The following PRDM5 variants were observed in gnomAD, a reference collection of about 807,000 sequenced individuals.
PRDM5 encodes PR/SET domain 5.
Under a neutral mutation model 81.2 loss-of-function variants are expected in PRDM5, and 56 were observed. That is an observed-to-expected ratio of 0.69 (90% CI 0.56 to 0.86). The LOEUF (loss-of-function observed/expected upper bound fraction) is 0.86, where lower values mean the gene tolerates loss of function less well. PRDM5 is among the 40% of genes least tolerant of loss of function. PRDM5 has a pLI of 0.00. For missense variants in PRDM5, 697 were observed against 770.1 expected (o/e 0.91, Z 1.12); for synonymous variants, 267 against 256.4 (o/e 1.04, Z -0.39).
At chr4:120,793,646 TTG>T (rs1750906803) in intron 10 of PRDM5, among the ~76,000 whole-genome samples, 1 of 152,232 alleles carries the variant, frequency 6.6e-6, no homozygotes, top group East Asian at 1.9e-4. Context: ...ATTATTTTAA[TTG>T]ACAAATAAAA....
At chr4:120,908,429 A>C (rs1561691847) in intron 1 of PRDM5, among the ~76,000 whole-genome samples, 1 of 152,260 alleles carries the variant, frequency 6.6e-6, no homozygotes, top group Non-Finnish European at 1.5e-5. Context: ...GATGCAAGAA[A>C]AAAACCAACA....
Position 120,765,322 on chromosome 4 carries a change from G to A in PRDM5, c.1538-10684C>T, listed in dbSNP as rs530715143. Among the ~76,000 whole-genome samples, 12 of 152,338 alleles carry A rather than the reference G, an allele frequency of 7.9e-5. No homozygotes were observed. In the South Asian group the frequency reaches 2.3e-3, roughly 29 times the overall value. ...CAGTCGGTATCTATTAACACAGAAAGCTGGTTGGAACTGTAGGCAAGTAAT... is the reference window on the plus strand; with the variant it reads ...CAGTCGGTATCTATTAACACAGAAAACTGGTTGGAACTGTAGGCAAGTAAT... On this transcript the variant is annotated intron_variant, in intron 13 of 15. Coordinates refer to ENST00000264808, the MANE Select transcript of PRDM5 (RefSeq NM_018699.4).
At chr4:120,897,907 C>T (rs1764825501) in intron 2 of PRDM5, among the ~76,000 whole-genome samples, 1 of 152,198 alleles carries the variant, frequency 6.6e-6, no homozygotes, top group African/African-American at 2.4e-5. Context: ...CATCTGCCAA[C>T]TCCAATCAAC....
intron 3 of PRDM5, among the ~76,000 whole-genome samples, chr4:120,824,396 A>G (rs2667173): frequency 0.25 from 38,362 of 152,058 alleles, 5,621 homozygotes; most frequent in East Asian, 0.36. Context: ...GATGAGCCAC[A>G]TTCCTGTGAC....
intron 2 of PRDM5, among the ~76,000 whole-genome samples, chr4:120,901,126 T>C (rs1765178909): frequency 6.6e-6 from 1 of 152,308 alleles, no homozygotes; most frequent in African/African-American, 2.4e-5. Flanking sequence ...CAAGTGGTTT[T>C]TGGTTACATG....
At chr4:120,720,405 C>A (rs892586776) in intron 14 of PRDM5, among the ~76,000 whole-genome samples, 1 of 152,100 alleles carries the variant, frequency 6.6e-6, no homozygotes, top group Non-Finnish European at 1.5e-5. Flanking sequence ...GCTTTGAGAC[C>A]AAAAGATGAC....
At chr4:120,812,718 G>A (rs1353560288) in intron 7 of PRDM5, 2 of 363,096 alleles carry the variant, frequency 5.5e-6, no homozygotes, top group Non-Finnish European at 1.0e-5. Context: ...CCCATTCTGT[G>A]TAAATGCTTT....
intron 14 of PRDM5, among the ~76,000 whole-genome samples, chr4:120,726,347 T>A (rs1036981090): frequency 1.3e-5 from 2 of 152,338 alleles, no homozygotes; most frequent in Admixed American, 6.5e-5. Flanking sequence ...GAGAGCCTCA[T>A]GGACTCACGG....
At chr4:120,770,006 C>CTATT (rs573883065) in intron 13 of PRDM5, among the ~76,000 whole-genome samples, 8 of 137,768 alleles carry the variant, frequency 5.8e-5, no homozygotes, top group Non-Finnish European at 9.4e-5. Context: ...TAAAATATCC[C>CTATT]TATTTATTTA....
chr4:120,839,299 A>G (rs976916114), intron 3 of PRDM5: 4 of 702,960 alleles, frequency 5.7e-6, no homozygotes, highest in African/African-American at 1.7e-5. Flanking sequence ...AATGAGGTAT[A>G]CAAACAAGTA....
intron 8 of PRDM5, among the ~76,000 whole-genome samples, chr4:120,800,354 A>G (rs1161272349): frequency 6.6e-6 from 1 of 152,142 alleles, no homozygotes; most frequent in East Asian, 1.9e-4. Flanking sequence ...CGTCCCTACA[A>G]AAAATTTTAA....
In PRDM5 at chr4:120,893,066, T is replaced by C. The variant is rs542843742; in HGVS notation, c.177+14408A>G. 7.2e-5 allele frequency among the ~76,000 whole-genome samples: 11 copies of C among 152,324 alleles called. No homozygotes were observed. The South Asian group carries it at 2.3e-3, about 32-fold the overall frequency. On this transcript the variant is annotated intron_variant, in intron 2 of 15. Coordinates refer to ENST00000264808, the MANE Select transcript of PRDM5 (RefSeq NM_018699.4). The stretch of plus-strand genomic sequence containing the variant: ...GTGGTCTGCTCCAGGACCCGAGGTT[T>C]ATTAAAGTCCCCTTGGACTCAAAAG...
chr4:120,912,409 A>T (rs1766624557), intron 1 of PRDM5, among the ~76,000 whole-genome samples: 1 of 152,188 alleles, frequency 6.6e-6, no homozygotes, highest in African/African-American at 2.4e-5. Context: ...AAACAAGTTA[A>T]ATAAAGCCCT....
At position 120,874,454 on chromosome 4, in the gene PRDM5, G is replaced by T. The variant is rs191744535; in HGVS notation, c.178-20914C>A. ...TATGTGGAATTTAAAATGGATTTCT[G>T]CTTCAGAATCACAAGAGAAGATTAA... On this transcript the variant is annotated intron_variant, in intron 2 of 15. Coordinates refer to ENST00000264808, the MANE Select transcript of PRDM5 (RefSeq NM_018699.4). 4.6e-5 allele frequency among the ~76,000 whole-genome samples: 7 copies of T among 152,232 alleles called. No individual in the cohort carries two copies. The East Asian group carries it at 1.3e-3, about 29-fold the overall frequency.
chr4:120,796,397 C>T (rs1302352904), intron 10 of PRDM5, among the ~76,000 whole-genome samples: 1 of 152,144 alleles, frequency 6.6e-6, no homozygotes, highest in Non-Finnish European at 1.5e-5. Context: ...ATCATTATTA[C>T]TTTTATATGA....
chr4:120,720,915 CAT>C (rs1280926627), intron 14 of PRDM5, among the ~76,000 whole-genome samples: 1 of 152,118 alleles, frequency 6.6e-6, no homozygotes, highest in East Asian at 1.9e-4. Context: ...ACAAGCAACA[CAT>C]AGAACACTAA....
intron 8 of PRDM5, among the ~76,000 whole-genome samples, chr4:120,805,807 T>G (rs1007857642): frequency 2.6e-5 from 4 of 152,206 alleles, no homozygotes; most frequent in Non-Finnish European, 5.9e-5. Flanking sequence ...AGGGATGCCC[T>G]CTCTCACCAC....
At chr4:120,748,403 G>C (rs1031583925) in intron 14 of PRDM5, among the ~76,000 whole-genome samples, 3 of 152,038 alleles carry the variant, frequency 2.0e-5, no homozygotes, top group African/African-American at 7.2e-5. Flanking sequence ...CAACACTTTG[G>C]GAGGCTGAGA....
intron 14 of PRDM5, among the ~76,000 whole-genome samples, chr4:120,737,124 A>G (rs1282150112): frequency 6.6e-6 from 1 of 152,146 alleles, no homozygotes; most frequent in Non-Finnish European, 1.5e-5. Flanking sequence ...AACTAGGGTG[A>G]GAGTGGCTTC....
Sources: gnomAD v4.1 joint callset for allele counts (sites outside exome capture counted in the v4.1 genomes callset) on GRCh38, gnomAD v4.1.1 for gene constraint, MANE v1.5 for transcripts, NCBI Gene and HGNC (gene_info 2026-07-23, HGNC 2026-07-21) for gene names.